The following ZNF304 variants were observed in gnomAD, a reference collection of about 807,000 sequenced individuals.
ZNF304 encodes the protein KRAB-containing zinc finger protein.
Under a neutral mutation model 7.8 loss-of-function variants are expected in ZNF304, and 7 were observed. That is an observed-to-expected ratio of 0.90 (90% CI 0.51 to 1.69). ZNF304 has a LOEUF of 1.69. Among genes scored for constraint, ZNF304 ranks in the 40% most tolerant of loss-of-function variants. The pLI is 0.00. For synonymous variants in ZNF304, 280 were observed against 272.4 expected (o/e 1.03, Z -0.27); for missense variants, 669 against 804.8 (o/e 0.83, Z 2.04).
rs1170300829 is a variant in ZNF304, at chr19:57,356,986, A to G, written c.1117A>G (p.Ser373Gly). The G allele has an allele frequency of 6.2e-7, 1 of 1,605,822 alleles. No individual in the cohort carries two copies. Among genetic ancestry groups the G allele is most frequent in the Non-Finnish European group, 8.5e-7 (1 of 1,173,400 alleles). ...YKCNKCGKAF[S>G]RKDTLVQHQR... ...GTGCAACAAATGTGGGAAAGCCTTT[A>G]GCCGTAAAGACACACTTGTTCAGCA... Residue 373 changes from serine to glycine, a missense_variant, in exon 3 of 3, where the codon AGC becomes GGC. By Grantham distance (56) the Ser-to-Gly change is moderately conservative (BLOSUM62 0). Transcript: ENST00000282286.
Position 57,351,641 on chromosome 19 carries a change from G to T in ZNF304, c.-24G>T. 1 of 1,613,382 alleles carries T rather than the reference G, an allele frequency of 6.2e-7. No individual in the cohort carries two copies. Among genetic ancestry groups the T allele is most frequent in the Non-Finnish European group, 8.5e-7 (1 of 1,179,952 alleles). Reference sequence around the variant, plus strand: ...GTGGGGTTTCGGCTGAGCCCACAGGGCACAGACTGTTCATCCGCTTCTCAT... The same window carrying T: ...GTGGGGTTTCGGCTGAGCCCACAGGTCACAGACTGTTCATCCGCTTCTCAT... On this transcript the variant is annotated 5_prime_UTR_variant, in exon 1 of 3. Transcript: ENST00000282286. This position sits in a 1 kb window ranked among gnomAD's most constrained non-coding sequence, Gnocchi z 4.1.
In ZNF304 at chr19:57,351,894, A is replaced by C; in HGVS notation, c.33+197A>C. 1 of 574,290 alleles carries C rather than the reference A, an allele frequency of 1.7e-6. No individual in the cohort carries two copies. The highest frequency in any genetic ancestry group is 3.0e-6 in the Non-Finnish European group (1 of 334,476). 35.6% of individuals were successfully genotyped at this position (574,290 alleles called of 1,614,324 possible). ...TACAAATGCATGCATGGAGAGGAGA[A>C]TGAGTTTGGGGAGTTCCGGGAACTC... On this transcript the variant is annotated intron_variant, in intron 1 of 2. Coordinates refer to ENST00000282286, the MANE Select transcript of ZNF304 (RefSeq NM_020657.4). The surrounding 1 kb of genome is among the most constrained non-coding windows in gnomAD (Gnocchi z 4.1).
intron 2 of ZNF304, 84 bp from the exon 3 acceptor site, chr19:57,355,946 C>A (rs958760960): frequency 2.7e-6 from 4 of 1,460,228 alleles, no homozygotes; most frequent in Admixed American, 4.1e-5. Flanking sequence ...TGGACTCGCA[C>A]TGGTGTTAGA....
In ZNF304 at chr19:57,357,617, GAGCA is replaced by G. The variant is rs779676290; in HGVS notation, c.1751_1754del (p.Ala584AspfsTer68). On this transcript the variant is annotated frameshift_variant, in exon 3 of 3. Coordinates refer to ENST00000282286, the MANE Select transcript of ZNF304 (RefSeq NM_020657.4). LOFTEE classifies it low-confidence loss of function (END_TRUNC). ...GTTCAACACAAGAAAGTTCACACTG[GAGCA>G]AGACCTTATGAGTGCAGTGAATGTG... 1 of 1,614,198 alleles carries G rather than the reference GAGCA, an allele frequency of 6.2e-7. No individual in the cohort carries two copies. Among genetic ancestry groups the G allele is most frequent in the South Asian group, 1.1e-5 (1 of 91,084 alleles).
rs539361470 is a variant in ZNF304 at position 57,357,206 on chromosome 19, C to T, written c.1337C>T (p.Ser446Phe). ...CGGAGAGTCCACACAGGAGCAAGAT[C>T]CTACGTGTGCAGCAAATGTGGGAAG... ...KHRRVHTGAR[S>F]YVCSKCGKAF... Residue 446 changes from serine (S) to phenylalanine (F), a missense_variant, in exon 3 of 3, where the codon TCC becomes TTC. Coordinates refer to ENST00000282286, the MANE Select transcript of ZNF304 (RefSeq NM_020657.4). 33 of 1,614,016 alleles carry T rather than the reference C, an allele frequency of 2.0e-5. No homozygotes were observed. Among genetic ancestry groups the T allele is most frequent in the Admixed American group, 2.0e-4 (12 of 60,012 alleles).
chr19:57,357,332 A>G lies in ZNF304; in HGVS notation c.1463A>G (p.Asp488Gly). 6.2e-7 allele frequency: 1 copy of G among 1,606,040 alleles called. No individual in the cohort carries two copies. The highest frequency in any genetic ancestry group is 8.5e-7 in the Non-Finnish European group (1 of 1,177,854). Residue 488 changes from aspartate (D) to glycine (G), a missense_variant, in exon 3 of 3, where the codon GAC becomes GGC. By Grantham distance (94) the Asp-to-Gly change is moderately conservative (BLOSUM62 -1). Coordinates refer to ENST00000282286, the MANE Select transcript of ZNF304 (RefSeq NM_020657.4). Reference protein sequence around the residue: ...SECGKAFSRKDTLVQHQKIHT... With the variant: ...SECGKAFSRKGTLVQHQKIHT... ...TGTGGGAAGGCCTTCAGCCGTAAAG[A>G]CACACTTGTGCAACACCAAAAAATC...
intron 1 of ZNF304, chr19:57,352,593 A>T (rs905292726): frequency 6.6e-6 from 1 of 152,056 alleles, no homozygotes; most frequent in Non-Finnish European, 1.5e-5. Flanking sequence ...GTCGTGGGAG[A>T]TTTGGAGCAG....
At position 57,351,897 on chromosome 19, in the gene ZNF304, A is replaced by G; in HGVS notation, c.33+200A>G. ...AAATGCATGCATGGAGAGGAGAATG[A>G]GTTTGGGGAGTTCCGGGAACTCTCT... On this transcript the variant is annotated intron_variant, in intron 1 of 2. Coordinates refer to ENST00000282286, the MANE Select transcript of ZNF304 (RefSeq NM_020657.4). This position sits in a 1 kb window ranked among gnomAD's most constrained non-coding sequence, Gnocchi z 4.1. 1.8e-6 allele frequency: 1 copy of G among 563,638 alleles called. No homozygotes were observed. Among genetic ancestry groups the G allele is most frequent in the Non-Finnish European group, 3.1e-6 (1 of 327,724 alleles). 34.9% of individuals were successfully genotyped at this position (563,638 alleles called of 1,614,324 possible).
At chr19:57,353,136 T>C (rs1418610321) in intron 1 of ZNF304, among the ~76,000 whole-genome samples, 2 of 152,162 alleles carry the variant, frequency 1.3e-5, no homozygotes, top group Non-Finnish European at 2.9e-5. Context: ...AACTGGACAC[T>C]GAGAGAAAAC....
chr19:57,357,329 A>T lies in ZNF304; in HGVS notation c.1460A>T (p.Lys487Ile). The T allele has an allele frequency of 1.2e-6, 2 of 1,609,888 alleles. No individual in the cohort carries two copies. The highest frequency in any genetic ancestry group is 2.7e-5 in the African/African-American group (2 of 73,388). ...GAATGTGGGAAGGCCTTCAGCCGTA[A>T]AGACACACTTGTGCAACACCAAAAA... ...CSECGKAFSR[K>I]DTLVQHQKIH... The change falls in exon 3 of 3, where the codon AAA (lysine) becomes ATA (isoleucine). Residue 487 changes from lysine to isoleucine, a missense_variant. Lys to Ile is a moderately radical substitution (Grantham distance 102). Coordinates refer to ENST00000282286, the MANE Select transcript of ZNF304 (RefSeq NM_020657.4).
Position 57,359,455 on chromosome 19 carries a change from A to G in ZNF304, c.*1606A>G, listed in dbSNP as rs901030398. The G allele has an allele frequency of 6.6e-6, 1 of 152,280 alleles. No homozygotes were observed. Among genetic ancestry groups the G allele is most frequent in the African/African-American group, 2.4e-5 (1 of 41,474 alleles). 9.4% of individuals were successfully genotyped at this position (152,280 alleles called of 1,614,324 possible). On this transcript the variant is annotated 3_prime_UTR_variant, in exon 3 of 3. Transcript: ENST00000282286. The stretch of plus-strand genomic sequence containing the variant: ...ATTTATTTAATAGCTTTATGGAGGT[A>G]TGATTAACATGCAATAAACTGCAAA...
chr19:57,353,929 A>G (rs2088305683), intron 2 of ZNF304, 78 bp downstream of exon 2: 3 of 1,195,504 alleles, frequency 2.5e-6, no homozygotes, highest in South Asian at 3.4e-5. Context: ...ATAAAAATCA[A>G]TTATCTCTCC....
At position 57,357,644 on chromosome 19, in the gene ZNF304, G is replaced by A; in HGVS notation, c.1775G>A (p.Cys592Tyr). Residue 592 changes from cysteine (C) to tyrosine (Y), a missense_variant, in exon 3 of 3, where the codon TGT (cysteine) becomes TAT (tyrosine). By Grantham distance (194) the Cys-to-Tyr change is radical. Transcript: ENST00000282286. The stretch of plus-strand genomic sequence containing the variant: ...GCAAGACCTTATGAGTGCAGTGAAT[G>A]TGGGAAATTCTTTAGCCGCAACTCT... The part of the protein sequence containing the change: ...TGARPYECSE[C>Y]GKFFSRNSGL... 1.2e-6 allele frequency: 2 copies of A among 1,614,234 alleles called. No homozygotes were observed. The highest frequency in any genetic ancestry group is 2.2e-5 in the East Asian group (1 of 44,892).
chr19:57,357,475 T>C lies in ZNF304; in HGVS notation c.1606T>C (p.Cys536Arg). The C allele has an allele frequency of 6.2e-7, 1 of 1,613,524 alleles. No homozygotes were observed. The highest frequency in any genetic ancestry group is 8.5e-7 in the Non-Finnish European group (1 of 1,179,576). ...AGCAAAGCCTTATGAGTGCAATGAA[T>C]GTGGGAAATGCTTTAGCCACAACTC... ...TGAKPYECNE[C>R]GKCFSHNSSL... is the part of the protein sequence containing the mutation. The change falls in exon 3 of 3, where the codon TGT becomes CGT. Residue 536 changes from cysteine (C) to arginine (R), a missense_variant. Transcript: ENST00000282286.
In ZNF304 at chr19:57,351,484, G is replaced by T. The variant is rs1253081751; in HGVS notation, c.-181G>T. ...CTGCCGGGGCTGGGCTCTTACCGAG[G>T]CCTCCACACACGTCCTCTTGTCCTT... On this transcript the variant is annotated 5_prime_UTR_variant, in exon 1 of 3. Transcript: ENST00000282286. This position sits in a 1 kb window ranked among gnomAD's most constrained non-coding sequence, Gnocchi z 4.1. 1.5e-5 allele frequency: 10 copies of T among 675,400 alleles called. No homozygotes were observed. The Admixed American group carries it at 2.7e-4, about 18-fold the overall frequency. The allele number at this position is 675,400 out of a possible 1,614,324, so 41.8% of individuals were successfully genotyped here. A position where few individuals can be genotyped will look rare whatever the true frequency, so the allele number is the denominator to read the frequency against.
In ZNF304 at chr19:57,356,140, T is replaced by C. The variant is rs780136357; in HGVS notation, c.271T>C (p.Cys91Arg). 6.2e-7 allele frequency: 1 copy of C among 1,614,214 alleles called. No homozygotes were observed. The change falls in exon 3 of 3, where the codon TGT becomes CGT. Residue 91 changes from cysteine (C) to arginine (R), a missense_variant. Cys to Arg is a radical substitution (Grantham distance 180). Transcript: ENST00000282286. ...AGGTCTTTTCCAGAAAGCACACCCA[T>C]GTGAGATGTGTGACCCACTCTTGAA... ...ESGLFQKAHP[C>R]EMCDPLLKDI...
chr19:57,358,005 T>G lies in ZNF304; in HGVS notation c.*156T>G. ...TGAGCACCGTATATTCATTCCACCCTGGGGAGATTCCTGATAAGCACCACA... is the reference window on the plus strand; with the variant it reads ...TGAGCACCGTATATTCATTCCACCCGGGGGAGATTCCTGATAAGCACCACA... On this transcript the variant is annotated 3_prime_UTR_variant, in exon 3 of 3. Coordinates refer to ENST00000282286, the MANE Select transcript of ZNF304 (RefSeq NM_020657.4). 1 of 924,518 alleles carries G rather than the reference T, an allele frequency of 1.1e-6. No individual in the cohort carries two copies. The allele number at this position is 924,518 out of a possible 1,614,324, so 57.3% of individuals were successfully genotyped here.
Position 57,351,779 on chromosome 19 carries a change from GCT to G in ZNF304, c.33+84_33+85del. ...TCGCTCTCATCGCGCACTTCAGGGT[GCT>G]CACTCCGTCGCATTATGTGGAGGGG... is the stretch of plus-strand genomic sequence containing the variant. On this transcript the variant is annotated intron_variant, in intron 1 of 2. Transcript: ENST00000282286. This position sits in a 1 kb window ranked among gnomAD's most constrained non-coding sequence, Gnocchi z 4.1. 6.8e-7 allele frequency: 1 copy of G among 1,480,186 alleles called. No homozygotes were observed. Among genetic ancestry groups the G allele is most frequent in the Non-Finnish European group, 9.2e-7 (1 of 1,088,962 alleles). The allele number at this position is 1,480,186 out of a possible 1,614,324, so 91.7% of individuals were successfully genotyped here. A position where few individuals can be genotyped will look rare whatever the true frequency, so the allele number is the denominator to read the frequency against.
At position 57,356,555 on chromosome 19, in the gene ZNF304, G is replaced by A. The variant is rs1189967767; in HGVS notation, c.686G>A (p.Gly229Glu). The A allele has an allele frequency of 1.2e-6, 2 of 1,614,172 alleles. No homozygotes were observed. Among genetic ancestry groups the A allele is most frequent in the Admixed American group, 1.7e-5 (1 of 60,030 alleles). ...ATGCTTTTCAGTTGCGGTGATGAAG[G>A]GAAAGCCTTCCTGGACACCTTTACT... ...GQMLFSCGDE[G>E]KAFLDTFTLL... The change falls in exon 3 of 3, where the codon GGG (glycine) becomes GAG (glutamate). Residue 229 changes from glycine (G) to glutamate (E), a missense_variant. By Grantham distance (98) the Gly-to-Glu change is moderately conservative (BLOSUM62 -2). Coordinates refer to ENST00000282286, the MANE Select transcript of ZNF304 (RefSeq NM_020657.4).
Sources: gnomAD v4.1 joint callset for allele counts (sites outside exome capture counted in the v4.1 genomes callset) on GRCh38, gnomAD v4.1.1 for gene constraint, Gnocchi (gnomAD v3.1) non-coding constraint, MANE v1.5 for transcripts, NCBI Gene and HGNC (gene_info 2026-07-23, HGNC 2026-07-21) for gene names.